RADIL: variants seen among roughly 807,000 people sequenced by gnomAD.
The protein encoded by RADIL is ras-associating and dilute domain-containing protein.
In RADIL, 99 loss-of-function variants were observed where a neutral mutation model predicts 97.6. The ratio of observed to expected loss-of-function variants is 1.01; its 90% CI spans 0.86 to 1.20. The LOEUF is 1.20. RADIL is among the 50% of genes most tolerant of loss of function. RADIL has a pLI of 0.00. For missense variants in RADIL, 1,765 were observed against 1,498.9 expected, an observed-to-expected ratio of 1.18 and a Z score of -2.93; for synonymous variants, 803 against 691.8, an observed-to-expected ratio of 1.16 and a Z score of -2.52.
At chr7:4,860,063 T>C (rs77680119) in intron 2 of RADIL, 20,940 of 1,614,000 alleles carry the variant, frequency 0.013, 439 homozygotes, top group African/African-American at 0.094. Context: ...TGAACTTTCA[T>C]TGGTATTCAC....
In RADIL at chr7:4,883,396, C is replaced by T. The variant is rs1296609237; in HGVS notation, c.-65+200G>A. 6.6e-6 allele frequency among the ~76,000 whole-genome samples: 1 copy of T among 152,086 alleles called. No individual in the cohort carries two copies. Among genetic ancestry groups the T allele is most frequent in the African/African-American group, 2.4e-5 (1 of 41,430 alleles). ...TAGCCGGCCTCCGGGTACCGCCCCC[C>T]GGTCCAGGCCGGGGCCCGACAGCCA... On this transcript the variant is annotated intron_variant, in intron 1 of 14. Transcript: ENST00000399583. This position sits in a 1 kb window ranked among gnomAD's most constrained non-coding sequence, Gnocchi z 7.1.
rs1289479824 is a variant in RADIL at position 4,872,904 on chromosome 7, T to C, written c.535+4701A>G. 1.3e-5 allele frequency among the ~76,000 whole-genome samples: 2 copies of C among 152,122 alleles called. No individual in the cohort carries two copies. Among genetic ancestry groups the C allele is most frequent in the African/African-American group, 4.8e-5 (2 of 41,412 alleles). On this transcript the variant is annotated intron_variant, in intron 2 of 14. Transcript: ENST00000399583. The surrounding 1 kb of genome is among the most constrained non-coding windows in gnomAD (Gnocchi z 5.8). ...CTTTGGCGAAATGCTTCCCCTGAAA[T>C]GGTGCAACCCGTTAGCCCAACCCAG...
chr7:4,856,915 G>C (rs952461334), intron 2 of RADIL, among the ~76,000 whole-genome samples: 7 of 152,242 alleles, frequency 4.6e-5, no homozygotes, highest in African/African-American at 1.4e-4. Flanking sequence ...TACAAAGGCA[G>C]AGTTAAGTAG....
intron 2 of RADIL, among the ~76,000 whole-genome samples, chr7:4,862,255 C>G (rs959367390): frequency 4.6e-5 from 7 of 152,258 alleles, no homozygotes; most frequent in Admixed American, 1.3e-4. Context: ...CCCTTGACAT[C>G]GCAGATGTGC....
chr7:4,820,048 AG>A (rs1464365666), intron 6 of RADIL, among the ~76,000 whole-genome samples: 1 of 152,260 alleles, frequency 6.6e-6, no homozygotes, highest in East Asian at 1.9e-4. Context: ...GGGACTCTCC[AG>A]GAACACAGAG....
chr7:4,857,628 T>C (rs1202155516), intron 2 of RADIL: 1 of 152,666 alleles, frequency 6.6e-6, no homozygotes, highest in Non-Finnish European at 1.5e-5. Flanking sequence ...CTTAGTAAGA[T>C]CGAAAGGTTC....
intron 9 of RADIL, chr7:4,808,583 G>A (rs1423482351): frequency 8.1e-6 from 8 of 984,754 alleles, no homozygotes; most frequent in Non-Finnish European, 9.6e-6. Flanking sequence ...CGCAAAGCCC[G>A]AAGTCCTCAC....
intron 5 of RADIL, among the ~76,000 whole-genome samples, chr7:4,825,138 G>C (rs1011662408): frequency 6.6e-6 from 1 of 152,184 alleles, no homozygotes; most frequent in African/African-American, 2.4e-5. Context: ...GCACTCGGGG[G>C]GGGACAGCAC....
At chr7:4,808,239 G>T (rs532347911) in intron 9 of RADIL, among the ~76,000 whole-genome samples, 1 of 134,538 alleles carries the variant, frequency 7.4e-6, no homozygotes, top group African/African-American at 2.9e-5. Context: ...CTCTCTCCCC[G>T]CTCCTCACCC....
In RADIL at chr7:4,821,060, C is replaced by G. The variant is rs1194231833; in HGVS notation, c.1615+1334G>C. On this transcript the variant is annotated intron_variant, in intron 6 of 14. Transcript: ENST00000399583. This position sits in a 1 kb window ranked among gnomAD's most constrained non-coding sequence, Gnocchi z 5.2. ...CCAGGGATGGGGACACAGCTGAGTA[C>G]ACAGAGACCCCGCAGCGTCTGGTAG... Among the ~76,000 whole-genome samples, 1 of 152,208 alleles carries G rather than the reference C, an allele frequency of 6.6e-6. No homozygotes were observed. The highest frequency in any genetic ancestry group is 1.9e-4 in the East Asian group (1 of 5,192).
chr7:4,836,257 C>A, intron 3 of RADIL, 101 bp downstream of exon 3: 1 of 1,505,796 alleles, frequency 6.6e-7, no homozygotes, highest in Non-Finnish European at 8.9e-7. Flanking sequence ...ACAGAGCTCG[C>A]GGCCGACTGG....
rs923920108 is a variant in RADIL, at chr7:4,822,145, G to T, written c.1615+249C>A. On this transcript the variant is annotated intron_variant, in intron 6 of 14. Coordinates refer to ENST00000399583, the MANE Select transcript of RADIL (RefSeq NM_018059.5). The surrounding 1 kb of genome is among the most constrained non-coding windows in gnomAD (Gnocchi z 5.3). ...GGGGACGCCACCGCACGGAGCACAC[G>T]GGATGATGGGGACAGACTGAGTGCC... Among the ~76,000 whole-genome samples, 3 of 152,100 alleles carry T rather than the reference G, an allele frequency of 2.0e-5. No individual in the cohort carries two copies. The highest frequency in any genetic ancestry group is 7.2e-5 in the African/African-American group (3 of 41,438).
In RADIL at chr7:4,803,674, A is replaced by G. The variant is rs777640931; in HGVS notation, c.2371T>C (p.Cys791Arg). The G allele has an allele frequency of 2.5e-4, 394 of 1,555,912 alleles. No homozygotes were observed. Among genetic ancestry groups the G allele is most frequent in the Non-Finnish European group, 3.4e-4 (387 of 1,150,480 alleles). The change falls in exon 11 of 15, where the codon TGC (cysteine) becomes CGC (arginine). Residue 791 changes from cysteine to arginine, a missense_variant. Transcript: ENST00000399583. Reference protein sequence around the residue: ...DGFQVDLEANCLDDSIYQHLL... With the variant: ...DGFQVDLEANRLDDSIYQHLL... Reference sequence around the variant, plus strand: ...TGCTGGTAGATGCTGTCGTCCAGGCAGTTGGCTTCCAAGTCCACCTGGAAG... The same window carrying G: ...TGCTGGTAGATGCTGTCGTCCAGGCGGTTGGCTTCCAAGTCCACCTGGAAG...
chr7:4,880,310 C>A lies in RADIL; in HGVS notation c.-64-2107G>T, dbSNP rs1036108621. Among the ~76,000 whole-genome samples, 7 of 152,186 alleles carry A rather than the reference C, an allele frequency of 4.6e-5. No individual in the cohort carries two copies. The highest frequency in any genetic ancestry group is 1.4e-4 in the African/African-American group (6 of 41,448). ...AGCTCAGAGCCGGCCGCAGCTTCCC[C>A]CACGGACTCATCAAAGGCCTCGGTT... On this transcript the variant is annotated intron_variant, in intron 1 of 14. Transcript: ENST00000399583. This position sits in a 1 kb window ranked among gnomAD's most constrained non-coding sequence, Gnocchi z 4.5.
At chr7:4,848,984 C>T (rs1465313474) in intron 2 of RADIL, among the ~76,000 whole-genome samples, 1 of 151,856 alleles carries the variant, frequency 6.6e-6, no homozygotes, top group Non-Finnish European at 1.5e-5. Flanking sequence ...AATGAAAATA[C>T]AAAATTAGCC....
intron 2 of RADIL, among the ~76,000 whole-genome samples, chr7:4,868,215 A>G (rs1784173070): frequency 6.6e-6 from 1 of 151,998 alleles, no homozygotes; most frequent in African/African-American, 2.4e-5. Context: ...GGCGCCCGCC[A>G]CCACACCTGG....
intron 2 of RADIL, chr7:4,861,031 A>C: frequency 5.0e-6 from 8 of 1,614,236 alleles, no homozygotes; most frequent in Non-Finnish European, 6.8e-6. Context: ...CATTTGGATA[A>C]AGCTGACAAG....
chr7:4,861,733 A>T (rs1241226447), intron 2 of RADIL: 1 of 1,518,298 alleles, frequency 6.6e-7, no homozygotes, highest in African/African-American at 1.4e-5. Flanking sequence ...CTAGACTGAT[A>T]GGCGAGGAGA....
At chr7:4,852,475 G>A (rs959102274) in intron 2 of RADIL, among the ~76,000 whole-genome samples, 1 of 152,144 alleles carries the variant, frequency 6.6e-6, no homozygotes, top group African/African-American at 2.4e-5. Context: ...TTGAGACAGG[G>A]TCTAGCTCTG....
Sources: allele counts gnomAD v4.1 joint callset (sites outside exome capture counted in the v4.1 genomes callset), GRCh38; gene constraint gnomAD v4.1.1; non-coding constraint Gnocchi (gnomAD v3.1); transcripts MANE v1.5; gene names NCBI Gene and HGNC (gene_info 2026-07-23, HGNC 2026-07-21).